STT3A: variants seen among roughly 807,000 people sequenced by gnomAD.
The protein encoded by STT3A is dolichyl-diphosphooligosaccharide--protein glycosyltransferase subunit STT3A.
A neutral mutation model predicts 89.2 loss-of-function variants in STT3A; 34 were observed. The observed-to-expected ratio is 0.38, with a 90% CI of 0.29 to 0.51. The LOEUF is 0.51. Ranked by LOEUF, STT3A falls within the 20% of genes least tolerant of loss-of-function variation. The pLI is 0.89. For synonymous variants in STT3A, 282 were observed against 310.3 expected, an observed-to-expected ratio of 0.91 and a Z score of 0.96; for missense variants, 555 against 889.5, an observed-to-expected ratio of 0.62 and a Z score of 4.78.
rs777261269 is a variant in STT3A, at chr11:125,602,426, TGAG to T, written c.271+6_271+8del. 6.3e-7 allele frequency: 1 copy of T among 1,588,846 alleles called. No individual in the cohort carries two copies. Among genetic ancestry groups the T allele is most frequent in the South Asian group, 1.2e-5 (1 of 85,294 alleles). On this transcript the variant is annotated splice_donor_5th_base_variant and intron_variant, in intron 4 of 17. Transcript: ENST00000392708. Reference sequence around the variant, plus strand: ...TCATTGGAGGAACAATTTACCCAGGTGAGGAGACCAGATGTGTTTTTTTTTTTA... The same window carrying T: ...TCATTGGAGGAACAATTTACCCAGGTGAGACCAGATGTGTTTTTTTTTTTA...
chr11:125,600,170 C>T, intron 3 of STT3A, among the ~76,000 whole-genome samples: 1 of 151,718 alleles, frequency 6.6e-6, no homozygotes, highest in Non-Finnish European at 1.5e-5. Context: ...CCTGCCTCAG[C>T]CTCCTAAGTA....
chr11:125,598,009 C>A (rs886945561), intron 3 of STT3A, among the ~76,000 whole-genome samples: 3 of 152,102 alleles, frequency 2.0e-5, no homozygotes, highest in Non-Finnish European at 4.4e-5. Flanking sequence ...GTCAGGAGTT[C>A]GAGACCAGCC....
At chr11:125,607,970 C>T in intron 8 of STT3A, 139 bp from the exon 9 acceptor site, 2 of 799,550 alleles carry the variant, frequency 2.5e-6, no homozygotes, top group Non-Finnish European at 3.8e-6. Context: ...AAACCCTTCC[C>T]TAGATTGGCC....
chr11:125,601,394 G>A (rs1939671992), intron 3 of STT3A, among the ~76,000 whole-genome samples: 1 of 152,182 alleles, frequency 6.6e-6, no homozygotes, highest in African/African-American at 2.4e-5. Context: ...GCTGGGGCAG[G>A]TGGATCACCT....
Position 125,592,890 on chromosome 11 carries a change from C to A in STT3A, c.-64C>A, listed in dbSNP as rs1939357140. 1 of 175,352 alleles carries A rather than the reference C, an allele frequency of 5.7e-6. No homozygotes were observed. Among genetic ancestry groups the A allele is most frequent in the Non-Finnish European group, 1.2e-5 (1 of 80,270 alleles). The allele number at this position is 175,352 out of a possible 1,614,324, so 10.9% of individuals were successfully genotyped here. ...CCGCTGAACGGATGGCTGAGGGAGC[C>A]CCGCGGATCGTTTAGGAAAGCCGGC... On this transcript the variant is annotated 5_prime_UTR_variant, in exon 1 of 18. Coordinates refer to ENST00000392708, the MANE Select transcript of STT3A (RefSeq NM_152713.5).
chr11:125,618,696 C>A, intron 16 of STT3A, 135 bp downstream of exon 16: 1 of 791,330 alleles, frequency 1.3e-6, no homozygotes, highest in Non-Finnish European at 1.9e-6. Flanking sequence ...ACCCCAAAGG[C>A]ATATACTGAT....
intron 10 of STT3A, chr11:125,611,103 A>C (rs1441523133): frequency 5.9e-6 from 1 of 169,948 alleles, no homozygotes; most frequent in African/African-American, 2.4e-5. Context: ...TTTTTAAAGT[A>C]CAGAGATGTG....
At chr11:125,609,287 ACTCT>A (rs746865281) in intron 9 of STT3A, 143 bp from the exon 10 acceptor site, 7 of 936,964 alleles carry the variant, frequency 7.5e-6, no homozygotes, top group Non-Finnish European at 1.1e-5. Context: ...AAGGAGTGAA[ACTCT>A]CTAAGTATTG....
At chr11:125,603,279 T>C (rs1939736549) in intron 5 of STT3A, 1 of 198,824 alleles carries the variant, frequency 5.0e-6, no homozygotes. Context: ...ACATGAAACA[T>C]TCCAAAACGG....
At chr11:125,602,467 A>G (rs773405368) in intron 4 of STT3A, 43 bp downstream of exon 4, 4 of 1,503,762 alleles carry the variant, frequency 2.7e-6, no homozygotes, top group Non-Finnish European at 3.5e-6. Flanking sequence ...AAAAAAACAG[A>G]AATATTTGTA....
At chr11:125,599,206 T>C (rs1939594873) in intron 3 of STT3A, among the ~76,000 whole-genome samples, 2 of 152,212 alleles carry the variant, frequency 1.3e-5, no homozygotes, top group African/African-American at 4.8e-5. Flanking sequence ...TCATCTCTTC[T>C]GTTTCTGACA....
rs759429821 is a variant in STT3A, at chr11:125,614,059, T to C, written c.1555-28T>C. ...ATTTTTAGAGACAGTGAGAAGCTTG[T>C]TATTTCCATTTCCCATTCTACTTTC... On this transcript the variant is annotated intron_variant, in intron 13 of 17. Transcript: ENST00000392708. This position sits in a 1 kb window ranked among gnomAD's most constrained non-coding sequence, Gnocchi z 4.9. 1.3e-5 allele frequency: 20 copies of C among 1,599,810 alleles called. No homozygotes were observed. The South Asian group carries it at 2.2e-4, about 18-fold the overall frequency.
rs1013510632 is a variant in STT3A at position 125,622,312 on chromosome 11, T to C, written c.*1502T>C. ...ATGTTCTTCAACTGTGGGTGAGATTTAGCCTCAAGATTTGATTTACTATAT... is the reference window on the plus strand; with the variant it reads ...ATGTTCTTCAACTGTGGGTGAGATTCAGCCTCAAGATTTGATTTACTATAT... On this transcript the variant is annotated 3_prime_UTR_variant, in exon 18 of 18. Transcript: ENST00000392708. 1.1e-4 allele frequency: 16 copies of C among 152,232 alleles called. No homozygotes were observed. The highest frequency in any genetic ancestry group is 3.6e-4 in the African/African-American group (15 of 41,462). The allele number at this position is 152,232 out of a possible 1,614,324, so 9.4% of individuals were successfully genotyped here.
At position 125,618,499 on chromosome 11, in the gene STT3A, T is replaced by G; in HGVS notation, c.1901T>G (p.Leu634Arg). ...FRVDREGSPV[L>R]LNCLMYKMCY... ...GTGGACCGTGAAGGTTCTCCAGTGCTGCTCAACTGCCTCATGTACAAGATG... is the reference window on the plus strand; with the variant it reads ...GTGGACCGTGAAGGTTCTCCAGTGCGGCTCAACTGCCTCATGTACAAGATG... The change falls in exon 16 of 18, where the codon CTG becomes CGG. Residue 634 changes from leucine to arginine, a missense_variant. Leu to Arg is a moderately radical substitution (Grantham distance 102). Around this residue, in one of 5 missense-constraint regions of STT3A, gnomAD observed 273 missense variants for 449.8 expected, o/e 0.61. Coordinates refer to ENST00000392708, the MANE Select transcript of STT3A (RefSeq NM_152713.5). 1 of 1,614,142 alleles carries G rather than the reference T, an allele frequency of 6.2e-7. No individual in the cohort carries two copies.
intron 6 of STT3A, 42 bp from the exon 7 acceptor site, chr11:125,605,587 A>C: frequency 9.1e-6 from 13 of 1,423,188 alleles, no homozygotes; most frequent in Non-Finnish European, 1.3e-5. Flanking sequence ...TGACTATACT[A>C]GCCTGGCCTC....
At chr11:125,620,186 C>A in intron 17 of STT3A, 60 bp downstream of exon 17, 2 of 1,345,236 alleles carry the variant, frequency 1.5e-6, no homozygotes, top group Non-Finnish European at 2.1e-6. Context: ...GGTTTCAATG[C>A]TTATAAAATG....
chr11:125,607,004 A>C (rs1939859878), intron 8 of STT3A, among the ~76,000 whole-genome samples: 1 of 152,222 alleles, frequency 6.6e-6, no homozygotes, highest in African/African-American at 2.4e-5. Context: ...TACCTACTGC[A>C]GATTGTCCCC....
At chr11:125,612,484 G>T in intron 11 of STT3A, 108 bp from the exon 12 acceptor site, 10 of 1,249,940 alleles carry the variant, frequency 8.0e-6, no homozygotes, top group Non-Finnish European at 1.1e-5. Context: ...TTTTGTGGAG[G>T]TCATGTTTGA....
intron 5 of STT3A, 145 bp downstream of exon 5, chr11:125,603,093 C>T: frequency 1.1e-6 from 1 of 884,064 alleles, no homozygotes; most frequent in Non-Finnish European, 1.7e-6. Context: ...TAATTGGCTT[C>T]ACTCCAACCC....
Sources: allele counts gnomAD v4.1 joint callset (sites outside exome capture counted in the v4.1 genomes callset), GRCh38; gene constraint gnomAD v4.1.1; regional missense constraint gnomAD v4.1.1; non-coding constraint Gnocchi (gnomAD v3.1); transcripts MANE v1.5; gene names NCBI Gene and HGNC (gene_info 2026-07-23, HGNC 2026-07-21).